IGF2BP3: variants seen among roughly 807,000 people sequenced by gnomAD.
The protein encoded by IGF2BP3 is insulin like growth factor 2 mRNA binding protein 3.
Under a neutral mutation model 73.8 loss-of-function variants are expected in IGF2BP3, and 9 were observed. The ratio of observed to expected loss-of-function variants is 0.12; its 90% CI spans 0.07 to 0.21. The LOEUF is 0.21. IGF2BP3 is among the 10% of genes least tolerant of loss of function. IGF2BP3 has a pLI of 1.00. For missense variants in IGF2BP3, 542 were observed against 714.0 expected (o/e 0.76, Z 2.75); for synonymous variants, 258 against 256.7 (o/e 1.01, Z -0.05).
intron 11 of IGF2BP3, among the ~76,000 whole-genome samples, chr7:23,318,255 C>T (rs903112031): frequency 3.9e-5 from 6 of 152,178 alleles, no homozygotes; most frequent in Non-Finnish European, 7.3e-5. Context: ...CAGGGTCTTA[C>T]TGTGTGGCCT....
intron 2 of IGF2BP3, among the ~76,000 whole-genome samples, chr7:23,438,985 C>A (rs1266107347): frequency 6.6e-6 from 1 of 151,936 alleles, no homozygotes; most frequent in Non-Finnish European, 1.5e-5. Flanking sequence ...GTGGCTGACA[C>A]CTGTAATCCT....
intron 2 of IGF2BP3, among the ~76,000 whole-genome samples, chr7:23,451,842 G>A (rs1050647866): frequency 6.6e-6 from 1 of 151,456 alleles, no homozygotes; most frequent in African/African-American, 2.4e-5. Context: ...CAGCTACTCA[G>A]GAGGCTGAGG....
chr7:23,424,905 A>C (rs558329925), intron 2 of IGF2BP3, among the ~76,000 whole-genome samples: 1 of 152,258 alleles, frequency 6.6e-6, no homozygotes, highest in African/African-American at 2.4e-5. Context: ...AATACCCATC[A>C]CCTGTTTCAA....
At chr7:23,408,307 T>G (rs968230365) in intron 3 of IGF2BP3, among the ~76,000 whole-genome samples, 3 of 152,154 alleles carry the variant, frequency 2.0e-5, no homozygotes, top group Non-Finnish European at 1.5e-5. Flanking sequence ...CATAATTGTC[T>G]AAGTAGAAAA....
In IGF2BP3 at chr7:23,458,077, G is replaced by C. The variant is rs548015748; in HGVS notation, c.236+10405C>G. 2.0e-5 allele frequency among the ~76,000 whole-genome samples: 3 copies of C among 152,150 alleles called. No homozygotes were observed. In the South Asian group the frequency reaches 6.2e-4, roughly 32 times the overall value. ...GAATCTCAAGGAGAAAAATACAACGGCTTCCATTGGAATGACTACTGGGTG... is the reference window on the plus strand; with the variant it reads ...GAATCTCAAGGAGAAAAATACAACGCCTTCCATTGGAATGACTACTGGGTG... On this transcript the variant is annotated intron_variant, in intron 2 of 14. Coordinates refer to ENST00000258729, the MANE Select transcript of IGF2BP3 (RefSeq NM_006547.3).
At chr7:23,365,412 A>G (rs1001150737) in intron 3 of IGF2BP3, among the ~76,000 whole-genome samples, 2 of 152,224 alleles carry the variant, frequency 1.3e-5, no homozygotes, top group African/African-American at 4.8e-5. Context: ...ATAACACTAC[A>G]AAAGTTAAAC....
intron 3 of IGF2BP3, among the ~76,000 whole-genome samples, chr7:23,395,479 G>A (rs537380430): frequency 8.5e-5 from 13 of 152,096 alleles, no homozygotes; most frequent in African/African-American, 2.9e-4. Flanking sequence ...CAATGACCTC[G>A]GGCCAAGTGC....
intron 10 of IGF2BP3, among the ~76,000 whole-genome samples, chr7:23,340,829 ATTTC>A (rs767195121): frequency 3.3e-4 from 49 of 150,640 alleles, no homozygotes; most frequent in Non-Finnish European, 4.4e-4. Flanking sequence ...AGTATAAAAT[ATTTC>A]TTTCTTTTTC....
intron 8 of IGF2BP3, among the ~76,000 whole-genome samples, chr7:23,345,697 A>G (rs1346015815): frequency 6.6e-6 from 1 of 152,284 alleles, no homozygotes; most frequent in Non-Finnish European, 1.5e-5. Flanking sequence ...GTCATAAAAC[A>G]TAGTTAAGAC....
chr7:23,411,637 T>G (rs1787024151), intron 3 of IGF2BP3, among the ~76,000 whole-genome samples: 1 of 152,182 alleles, frequency 6.6e-6, no homozygotes, highest in Non-Finnish European at 1.5e-5. Context: ...AATTCCTGTA[T>G]CCACATGGAC....
chr7:23,347,189 G>C (rs573227258), intron 7 of IGF2BP3, among the ~76,000 whole-genome samples: 2 of 152,226 alleles, frequency 1.3e-5, no homozygotes, highest in Non-Finnish European at 2.9e-5. Context: ...CCTTAGAAGA[G>C]ACTTAGGCAC....
In IGF2BP3 at chr7:23,430,330, G is replaced by A. The variant is rs924365670; in HGVS notation, c.237-11506C>T. ...GAACTCCTGACCTCGTGATCCGCCC[G>A]CCTCGGCGGGATTACAGGCAGGAGC... On this transcript the variant is annotated intron_variant, in intron 2 of 14. Coordinates refer to ENST00000258729, the MANE Select transcript of IGF2BP3 (RefSeq NM_006547.3). 2.6e-5 allele frequency among the ~76,000 whole-genome samples: 4 copies of A among 152,300 alleles called. No individual in the cohort carries two copies. The East Asian group carries it at 5.8e-4, about 22-fold the overall frequency.
intron 2 of IGF2BP3, among the ~76,000 whole-genome samples, chr7:23,467,430 T>C (rs1372450408): frequency 6.6e-6 from 1 of 152,146 alleles, no homozygotes; most frequent in Non-Finnish European, 1.5e-5. Flanking sequence ...TGGCTCAGGT[T>C]GGGAGTTGGG....
intron 2 of IGF2BP3, among the ~76,000 whole-genome samples, chr7:23,428,013 AT>A (rs1216299289): frequency 1.3e-5 from 2 of 150,944 alleles, no homozygotes; most frequent in African/African-American, 2.4e-5. Flanking sequence ...CTCAAAAAAA[AT>A]AAAATAAAAT....
chr7:23,449,662 A>C (rs1788151624), intron 2 of IGF2BP3, among the ~76,000 whole-genome samples: 1 of 141,226 alleles, frequency 7.1e-6, no homozygotes, highest in Non-Finnish European at 1.5e-5. Flanking sequence ...GGCTGAAGGG[A>C]TTCTCGTGCC....
intron 6 of IGF2BP3, 37 bp from the exon 7 acceptor site, chr7:23,347,771 A>T (rs1784870084): frequency 3.7e-6 from 6 of 1,613,516 alleles, no homozygotes. Flanking sequence ...AAACGAGAGC[A>T]GTAAGCGTGT....
At chr7:23,391,907 T>G (rs186810783) in intron 3 of IGF2BP3, among the ~76,000 whole-genome samples, 9 of 152,334 alleles carry the variant, frequency 5.9e-5, no homozygotes, top group African/African-American at 2.2e-4. Context: ...GGCCTTACTC[T>G]TCAATGTATT....
chr7:23,323,784 C>T (rs1478745968), intron 10 of IGF2BP3, among the ~76,000 whole-genome samples: 1 of 152,152 alleles, frequency 6.6e-6, no homozygotes, highest in Non-Finnish European at 1.5e-5. Flanking sequence ...AACTGCTCAA[C>T]TACATGGAAA....
In IGF2BP3 at chr7:23,311,214, T is replaced by G. The variant is rs1211387486; in HGVS notation, c.*1148A>C. 1 of 152,292 alleles carries G rather than the reference T, an allele frequency of 6.6e-6. No individual in the cohort carries two copies. Among genetic ancestry groups the G allele is most frequent in the Non-Finnish European group, 1.5e-5 (1 of 68,014 alleles). 9.4% of individuals were successfully genotyped at this position (152,292 alleles called of 1,614,324 possible). On this transcript the variant is annotated 3_prime_UTR_variant, in exon 15 of 15. Coordinates refer to ENST00000258729, the MANE Select transcript of IGF2BP3 (RefSeq NM_006547.3). ...ATGGAAATGTAGCCTTTTGTTGCGT[T>G]TAAACACTGTCACACCATCTATGAC...
Sources: gnomAD v4.1 joint callset for allele counts (sites outside exome capture counted in the v4.1 genomes callset) on GRCh38, gnomAD v4.1.1 for gene constraint, MANE v1.5 for transcripts, NCBI Gene and HGNC (gene_info 2026-07-23, HGNC 2026-07-21) for gene names.